Variants in AKAP13 observed in about 807,000 individuals in gnomAD.
The protein encoded by AKAP13 is A-kinase anchor protein 13.
AKAP13 carries 80 observed loss-of-function variants against 264.5 expected under a neutral mutation model. The observed-to-expected ratio is 0.30, with a 90% CI of 0.25 to 0.36. The LOEUF is 0.36. AKAP13 is among the 10% of genes least tolerant of loss of function. AKAP13 has a pLI of 1.00. For missense variants in AKAP13, 3,712 were observed against 3,435.2 expected, an observed-to-expected ratio of 1.08 and a Z score of -2.01; for synonymous variants, 1,380 against 1,250.2, an observed-to-expected ratio of 1.10 and a Z score of -2.19.
intron 5 of AKAP13, among the ~76,000 whole-genome samples, chr15:85,568,784 A>G (rs1176720519): frequency 6.6e-6 from 1 of 152,250 alleles, no homozygotes; most frequent in East Asian, 1.9e-4. Context: ...CTCTCAATAC[A>G]AAAAGAACAA....
intron 1 of AKAP13, among the ~76,000 whole-genome samples, chr15:85,451,521 T>C (rs2074088813): frequency 6.6e-6 from 1 of 152,208 alleles, no homozygotes; most frequent in South Asian, 2.1e-4. Flanking sequence ...GTCTTTCTTT[T>C]GTATATTTAG....
intron 17 of AKAP13, among the ~76,000 whole-genome samples, chr15:85,701,814 C>G (rs1156720856): frequency 6.9e-4 from 1 of 1,456 alleles, no homozygotes; most frequent in Non-Finnish European, 1.2e-3. Flanking sequence ...GACTGTTACC[C>G]TAATATGCAC....
chr15:85,458,393 G>T (rs200382997), intron 1 of AKAP13, among the ~76,000 whole-genome samples: 3,411 of 120,164 alleles, frequency 0.028, 184 homozygotes, highest in African/African-American at 0.094. Flanking sequence ...TTTGTTTTTT[G>T]TTTTTTTTTT....
At chr15:85,614,505 G>A (rs573050130) in intron 8 of AKAP13, among the ~76,000 whole-genome samples, 4 of 152,188 alleles carry the variant, frequency 2.6e-5, no homozygotes, top group Admixed American at 2.0e-4. Flanking sequence ...TCCGTTTAAT[G>A]TAAAATTAAG....
At chr15:85,691,078 T>A (rs1267568664) in intron 16 of AKAP13, among the ~76,000 whole-genome samples, 1 of 152,126 alleles carries the variant, frequency 6.6e-6, no homozygotes, top group Non-Finnish European at 1.5e-5. Context: ...CACTTCAGAG[T>A]TATTGAGTCA....
At chr15:85,582,948 C>T (rs1322339829) in intron 7 of AKAP13, 2 of 985,308 alleles carry the variant, frequency 2.0e-6, no homozygotes, top group African/African-American at 3.5e-5. Context: ...TAACCATGTT[C>T]CGAGGCAGCA....
chr15:85,638,377 A>G (rs1005382433), intron 8 of AKAP13, among the ~76,000 whole-genome samples: 1 of 152,058 alleles, frequency 6.6e-6, no homozygotes, highest in Non-Finnish European at 1.5e-5. Context: ...CAATATGAAC[A>G]TTTGTTTTAT....
chr15:85,495,643 C>G (rs1033206618), intron 2 of AKAP13, among the ~76,000 whole-genome samples: 1 of 151,982 alleles, frequency 6.6e-6, no homozygotes, highest in South Asian at 2.1e-4. Context: ...AAGGCATGCT[C>G]GAAGGTAATA....
At chr15:85,590,208 C>T (rs558200396) in intron 8 of AKAP13, among the ~76,000 whole-genome samples, 2 of 152,306 alleles carry the variant, frequency 1.3e-5, no homozygotes, top group East Asian at 3.9e-4. Context: ...TTATGCTTTG[C>T]TACCGGCTTC....
chr15:85,494,775 AG>A (rs986610225), intron 2 of AKAP13, among the ~76,000 whole-genome samples: 3 of 152,196 alleles, frequency 2.0e-5, no homozygotes, highest in African/African-American at 7.2e-5. Flanking sequence ...GGTGTACAGG[AG>A]GCAGGTCCCT....
chr15:85,415,215 C>T (rs2072185427), intron 1 of AKAP13: 1 of 1,532,150 alleles, frequency 6.5e-7, no homozygotes, highest in South Asian at 1.2e-5. Flanking sequence ...CGCCAGCTCG[C>T]CCGCACCCCT....
chr15:85,581,793 C>G lies in AKAP13; in HGVS notation c.3725C>G (p.Pro1242Arg), dbSNP rs1475383029. 1 of 1,614,154 alleles carries G rather than the reference C, an allele frequency of 6.2e-7. No individual in the cohort carries two copies. Among genetic ancestry groups the G allele is most frequent in the Non-Finnish European group, 8.5e-7 (1 of 1,179,990 alleles). The change falls in exon 7 of 37, where the codon CCT (proline) becomes CGT (arginine). Residue 1242 changes from proline to arginine, a missense_variant. Physicochemically the swap from Pro to Arg is moderately radical, Grantham distance 103. Coordinates refer to ENST00000394518, the MANE Select transcript of AKAP13 (RefSeq NM_007200.5). ...GTCTCTGCCCAGGACGCACCTCTGCCTAAGGGGGCAGACTTGATAGAGGAG... is the reference window on the plus strand; with the variant it reads ...GTCTCTGCCCAGGACGCACCTCTGCGTAAGGGGGCAGACTTGATAGAGGAG... ...CMVSAQDAPL[P>R]KGADLIEEAA...
chr15:85,504,983 T>C lies in AKAP13; in HGVS notation c.34-16445T>C, dbSNP rs143628048. Among the ~76,000 whole-genome samples the C allele has an allele frequency of 1.5e-3, 228 of 152,186 alleles. 2 individuals carry two copies. The highest frequency in any genetic ancestry group is 5.3e-3 in the African/African-American group (219 of 41,516). ...TTTGCTCTCACTCTCTGTGTGTGTG[T>C]GCGCACATGTGTTTGAAAGCCAGCA... is the stretch of plus-strand genomic sequence containing the variant. On this transcript the variant is annotated intron_variant, in intron 2 of 36. Transcript: ENST00000394518.
At chr15:85,428,688 T>A (rs2072901820) in intron 1 of AKAP13, among the ~76,000 whole-genome samples, 1 of 152,220 alleles carries the variant, frequency 6.6e-6, no homozygotes, top group Admixed American at 6.5e-5. Context: ...TTTCTTGGCC[T>A]TACACTCACG....
At chr15:85,536,967 G>T (rs1434070393) in intron 4 of AKAP13, 1 of 152,024 alleles carries the variant, frequency 6.6e-6, no homozygotes, top group African/African-American at 2.4e-5. Context: ...GAATTTTATT[G>T]TACATATATT....
chr15:85,381,467 A>G (rs2070256133), intron 1 of AKAP13, among the ~76,000 whole-genome samples: 1 of 126,634 alleles, frequency 7.9e-6, no homozygotes, highest in Non-Finnish European at 1.6e-5. Context: ...TTGCAGCTAT[A>G]CTTTGATACC....
intron 8 of AKAP13, among the ~76,000 whole-genome samples, chr15:85,631,502 T>TCTCACACACA (rs1372440393): frequency 7.1e-5 from 10 of 141,054 alleles, no homozygotes; most frequent in African/African-American, 1.9e-4. Flanking sequence ...TCTCTCTCTC[T>TCTCACACACA]CACACACACA....
chr15:85,629,133 G>A (rs1258491702), intron 8 of AKAP13, among the ~76,000 whole-genome samples: 2 of 152,128 alleles, frequency 1.3e-5, no homozygotes, highest in Non-Finnish European at 2.9e-5. Flanking sequence ...GGAGTTTGAG[G>A]CTGCAGTGAG....
chr15:85,723,066 T>A lies in AKAP13; in HGVS notation c.6497-6T>A, dbSNP rs1285144024. 1 of 1,611,838 alleles carries A rather than the reference T, an allele frequency of 6.2e-7. No homozygotes were observed. Among genetic ancestry groups the A allele is most frequent in the East Asian group, 2.2e-5 (1 of 44,832 alleles). On this transcript the variant is annotated splice_region_variant and splice_polypyrimidine_tract_variant and intron_variant, in intron 25 of 36. Coordinates refer to ENST00000394518, the MANE Select transcript of AKAP13 (RefSeq NM_007200.5). Reference sequence around the variant, plus strand: ...ATAAAAAACAGAATTATTCTTTCCTTCCAAGACAATGAAGTGGAGCAGGAA... The same window carrying A: ...ATAAAAAACAGAATTATTCTTTCCTACCAAGACAATGAAGTGGAGCAGGAA...
Sources: allele counts gnomAD v4.1 joint callset (sites outside exome capture counted in the v4.1 genomes callset), GRCh38; gene constraint gnomAD v4.1.1; transcripts MANE v1.5; gene names NCBI Gene and HGNC (gene_info 2026-07-23, HGNC 2026-07-21).